Variants in NAV2 observed in about 807,000 individuals in gnomAD.
NAV2 encodes the protein helicase, APC down-regulated 1.
In NAV2, 54 loss-of-function variants were observed where a neutral mutation model predicts 223.2. The observed-to-expected ratio is 0.24, with a 90% confidence interval of 0.19 to 0.30. The LOEUF (loss-of-function observed/expected upper bound fraction) is 0.30, where lower values mean the gene tolerates loss of function less well. Ranked by LOEUF, NAV2 falls within the 10% of genes least tolerant of loss-of-function variation. The probability of loss-of-function intolerance (pLI) is 1.00; values close to 1 mark genes in which losing one functional copy is unlikely to be tolerated. For missense variants in NAV2, 2,806 were observed against 3,147.5 expected (o/e 0.89, Z 2.60); for synonymous variants, 1,279 against 1,239.3 (o/e 1.03, Z -0.67).
intron 11 of NAV2, among the ~76,000 whole-genome samples, chr11:20,033,066 A>G (rs1044269539): frequency 6.6e-6 from 1 of 152,226 alleles, no homozygotes; most frequent in South Asian, 2.1e-4. Context: ...AGAAGGCAGC[A>G]TGACACAGAC....
chr11:19,455,512 G>A (rs1851930067), intron 1 of NAV2, among the ~76,000 whole-genome samples: 1 of 152,156 alleles, frequency 6.6e-6, no homozygotes. Context: ...CCATTCTGCT[G>A]TAATTTCTAC....
rs551508007 is a variant in NAV2, at chr11:19,999,462, G to A, written c.2768+15215G>A. Among the ~76,000 whole-genome samples, 29 of 152,200 alleles carry A rather than the reference G, an allele frequency of 1.9e-4. No homozygotes were observed. In the East Asian group the frequency reaches 4.1e-3, roughly 21 times the overall value. ...CAGCTCACTGCAACCTCAGCCTCCC[G>A]GATTCAAGCAATTCTCCTGCCTCAG... On this transcript the variant is annotated intron_variant, in intron 11 of 37. Coordinates refer to ENST00000349880, the MANE Select transcript of NAV2 (RefSeq NM_145117.5).
intron 1 of NAV2, among the ~76,000 whole-genome samples, chr11:19,614,009 A>C (rs1170902862): frequency 6.6e-6 from 1 of 152,216 alleles, no homozygotes; most frequent in Non-Finnish European, 1.5e-5. Flanking sequence ...ACCTGATAAT[A>C]GGGCTGAAGG....
At chr11:19,818,600 T>A (rs1428318474) in intron 1 of NAV2, among the ~76,000 whole-genome samples, 2 of 152,228 alleles carry the variant, frequency 1.3e-5, no homozygotes, top group Non-Finnish European at 2.9e-5. Flanking sequence ...TGGCTGTAGT[T>A]AACAATCAGC....
rs142549924 is a variant in NAV2 at position 19,615,894 on chromosome 11, C to T, written c.76-216590C>T. Reference sequence around the variant, plus strand: ...ACTGAAGCAGTAAGCCCATCAGCTCCGTCTGAGTCCACTGTTGGGGGGATC... The same window carrying T: ...ACTGAAGCAGTAAGCCCATCAGCTCTGTCTGAGTCCACTGTTGGGGGGATC... On this transcript the variant is annotated intron_variant, in intron 1 of 37. Transcript: ENST00000360655. Among the ~76,000 whole-genome samples the T allele has an allele frequency of 4.6e-5, 7 of 152,264 alleles. No homozygotes were observed. The East Asian group carries it at 9.7e-4, about 21-fold the overall frequency.
intron 1 of NAV2, among the ~76,000 whole-genome samples, chr11:19,698,466 A>C (rs1311394917): frequency 6.6e-6 from 1 of 152,224 alleles, no homozygotes; most frequent in African/African-American, 2.4e-5. Flanking sequence ...CTAAGCTTGA[A>C]AAGGGCAGTG....
At chr11:19,814,500 A>G (rs979784369) in intron 1 of NAV2, among the ~76,000 whole-genome samples, 2 of 152,160 alleles carry the variant, frequency 1.3e-5, no homozygotes, top group African/African-American at 4.8e-5. Context: ...ACAGAGCAAA[A>G]AGGCAAGATG....
chr11:19,742,500 A>G (rs2052931520), intron 1 of NAV2, among the ~76,000 whole-genome samples: 1 of 152,210 alleles, frequency 6.6e-6, no homozygotes, highest in South Asian at 2.1e-4. Context: ...GTGGTTTGCA[A>G]GGAAGACTCA....
At chr11:19,468,792 T>C (rs2041867736) in intron 1 of NAV2, among the ~76,000 whole-genome samples, 1 of 152,200 alleles carries the variant, frequency 6.6e-6, no homozygotes, top group Non-Finnish European at 1.5e-5. Flanking sequence ...AGTGAGGTCC[T>C]TCTCTGATGT....
Position 19,944,058 on chromosome 11 carries a change from G to A in NAV2, c.2147-2343G>A, listed in dbSNP as rs373986582. Among the ~76,000 whole-genome samples, 232 of 152,176 alleles carry A rather than the reference G, an allele frequency of 1.5e-3. 1 individual carries two copies. The highest frequency in any genetic ancestry group is 9.3e-3 in the South Asian group (45 of 4,816). ...ACTAAAAACAAAAAAAAATTTAGCC[G>A]GGTGTGGTGGCGGGCGCCTGTTATC... On this transcript the variant is annotated intron_variant, in intron 8 of 37. Transcript: ENST00000349880.
chr11:19,861,740 A>AT (rs1307627481), intron 3 of NAV2, among the ~76,000 whole-genome samples: 3 of 152,204 alleles, frequency 2.0e-5, no homozygotes, highest in Admixed American at 2.0e-4. Flanking sequence ...TTCTAGCTTG[A>AT]TGATTCCTTT....
intron 1 of NAV2, among the ~76,000 whole-genome samples, chr11:19,595,700 A>G (rs1320836821): frequency 1.3e-5 from 2 of 150,074 alleles, no homozygotes; most frequent in African/African-American, 4.9e-5. Flanking sequence ...GGGACCACAG[A>G]CACACCACCA....
At chr11:19,546,128 C>T (rs995045240) in intron 1 of NAV2, among the ~76,000 whole-genome samples, 1 of 152,104 alleles carries the variant, frequency 6.6e-6, no homozygotes, top group Non-Finnish European at 1.5e-5. Context: ...GAAACCACAC[C>T]AAACTGTGCT....
At chr11:19,714,225 A>C (rs1196552116) in intron 1 of NAV2, 1 of 681,140 alleles carries the variant, frequency 1.5e-6, no homozygotes, top group Admixed American at 2.0e-5. Context: ...CCTGGGGAGG[A>C]GGAAAGGTCG....
intron 1 of NAV2, among the ~76,000 whole-genome samples, chr11:19,687,003 G>T (rs761505302): frequency 1.3e-5 from 2 of 152,190 alleles, no homozygotes; most frequent in African/African-American, 4.8e-5. Context: ...CTTTCCCAAG[G>T]TCACATGACT....
intron 6 of NAV2, among the ~76,000 whole-genome samples, chr11:19,898,926 A>T (rs35469024): frequency 0.073 from 11,161 of 152,256 alleles, 549 homozygotes; most frequent in Non-Finnish European, 0.11. Context: ...GTTTACTGAC[A>T]CTGCTTTGAC....
chr11:20,105,701 C>G lies in NAV2; in HGVS notation c.6815C>G (p.Ala2272Gly). 1 of 1,612,922 alleles carries G rather than the reference C, an allele frequency of 6.2e-7. No homozygotes were observed. Among genetic ancestry groups the G allele is most frequent in the Non-Finnish European group, 8.5e-7 (1 of 1,179,852 alleles). Residue 2272 changes from alanine to glycine, a missense_variant, in exon 35 of 38, where the codon GCT becomes GGT. Physicochemically the swap from Ala to Gly is moderately conservative, Grantham distance 60. Coordinates refer to ENST00000349880, the MANE Select transcript of NAV2 (RefSeq NM_145117.5). ...VWHHLNRFLE[A>G]HSSSDVTIGP... ...CATCACCTCAACCGCTTCCTGGAGGCTCACAGTTCCTCGGACGTCACCATC... is the reference window on the plus strand; with the variant it reads ...CATCACCTCAACCGCTTCCTGGAGGGTCACAGTTCCTCGGACGTCACCATC...
intron 1 of NAV2, among the ~76,000 whole-genome samples, chr11:19,417,765 G>A (rs368920330): frequency 3.3e-4 from 51 of 152,240 alleles, no homozygotes; most frequent in South Asian, 2.5e-3. Context: ...GGAATACTGG[G>A]TAAATAATGG....
intron 12 of NAV2, among the ~76,000 whole-genome samples, chr11:20,041,167 G>T (rs1467815849): frequency 3.9e-4 from 60 of 152,156 alleles, no homozygotes; most frequent in Non-Finnish European, 1.5e-5. Context: ...GCTATTAGGT[G>T]CTACTGAGTA....
Sources: allele counts gnomAD v4.1 joint callset (sites outside exome capture counted in the v4.1 genomes callset), GRCh38; gene constraint gnomAD v4.1.1; transcripts MANE v1.5; gene names NCBI Gene and HGNC (gene_info 2026-07-23, HGNC 2026-07-21).